The following LNP1 variants were observed in gnomAD, a reference collection of about 807,000 sequenced individuals.
LNP1 encodes the protein leukemia NUP98 fusion partner 1.
In LNP1, 12 loss-of-function variants were observed where a neutral mutation model predicts 14.5. That is an observed-to-expected ratio of 0.83 (90% CI 0.53 to 1.34). The LOEUF (loss-of-function observed/expected upper bound fraction) is 1.34, where lower values mean the gene tolerates loss of function less well. LNP1 is among the 40% of genes most tolerant of loss of function. The pLI, the probability that LNP1 is intolerant of heterozygous loss-of-function variation, is 0.00. For synonymous variants in LNP1, 75 were observed against 71.4 expected (o/e 1.05, Z -0.26); for missense variants, 198 against 210.9 (o/e 0.94, Z 0.38).
At chr3:100,419,829 G>C (rs1447572407) in intron 1 of LNP1, among the ~76,000 whole-genome samples, 2 of 152,142 alleles carry the variant, frequency 1.3e-5, no homozygotes, top group African/African-American at 4.8e-5. Context: ...TATCAAGCCT[G>C]TACATTCATG....
At chr3:100,453,048 A>G (rs1005038807) in intron 3 of LNP1, among the ~76,000 whole-genome samples, 4 of 152,080 alleles carry the variant, frequency 2.6e-5, no homozygotes, top group African/African-American at 9.7e-5. Flanking sequence ...CTGGAGCTAG[A>G]CTCTGTGAGT....
intron 1 of LNP1, among the ~76,000 whole-genome samples, chr3:100,406,971 T>C (rs1706974777): frequency 6.6e-6 from 1 of 152,260 alleles, no homozygotes; most frequent in South Asian, 2.1e-4. Context: ...CCACTTCCTT[T>C]CCTCAATATT....
At chr3:100,437,909 A>C (rs1707306337) in intron 2 of LNP1, among the ~76,000 whole-genome samples, 2 of 152,308 alleles carry the variant, frequency 1.3e-5, no homozygotes, top group East Asian at 1.9e-4. Context: ...ATGTCACTTT[A>C]TCTCTCTAAT....
At chr3:100,428,613 A>G (rs981494233) in intron 1 of LNP1, among the ~76,000 whole-genome samples, 2 of 152,164 alleles carry the variant, frequency 1.3e-5, no homozygotes, top group East Asian at 3.8e-4. Flanking sequence ...AGTTCCATAA[A>G]TGTAATATTC....
At chr3:100,437,493 T>C (rs113410173) in intron 2 of LNP1, among the ~76,000 whole-genome samples, 128 of 152,334 alleles carry the variant, frequency 8.4e-4, no homozygotes, top group African/African-American at 2.7e-3. Context: ...TACTGATTAG[T>C]TTAAAACATT....
chr3:100,414,482 G>A (rs1458284014), intron 1 of LNP1, among the ~76,000 whole-genome samples: 1 of 152,004 alleles, frequency 6.6e-6, no homozygotes, highest in Non-Finnish European at 1.5e-5. Flanking sequence ...GGGAGGCAGA[G>A]GTTGCAGTGA....
intron 3 of LNP1, among the ~76,000 whole-genome samples, chr3:100,453,354 C>T (rs7434244): frequency 3.3e-5 from 5 of 151,104 alleles, no homozygotes; most frequent in Admixed American, 1.3e-4. Flanking sequence ...GTTGAGGCCA[C>T]GGGATCGCTT....
intron 2 of LNP1, among the ~76,000 whole-genome samples, chr3:100,446,372 G>T (rs1707386722): frequency 6.6e-6 from 1 of 152,184 alleles, no homozygotes; most frequent in Non-Finnish European, 1.5e-5. Context: ...TTTAAGAAAT[G>T]GTGCTGGGAA....
At chr3:100,425,447 C>G (rs1367574601) in intron 1 of LNP1, among the ~76,000 whole-genome samples, 1 of 152,188 alleles carries the variant, frequency 6.6e-6, no homozygotes, top group Non-Finnish European at 1.5e-5. Flanking sequence ...ATCATAGGCT[C>G]AGCAGTCAGT....
intron 2 of LNP1, among the ~76,000 whole-genome samples, chr3:100,439,129 A>G (rs75934591): frequency 0.014 from 2,156 of 152,264 alleles, 27 homozygotes; most frequent in African/African-American, 0.04. Context: ...CGTTGTGATC[A>G]AACTCTTGCC....
chr3:100,409,965 ATC>A (rs1559839343), intron 1 of LNP1, among the ~76,000 whole-genome samples: 115 of 146,186 alleles, frequency 7.9e-4, no homozygotes, highest in African/African-American at 2.6e-3. Flanking sequence ...ACATCTATCT[ATC>A]TATCTATCTA....
At position 100,402,656 on chromosome 3, in the gene LNP1, T is replaced by C. The variant is rs1036986695; in HGVS notation, c.-34+217T>C. Among the ~76,000 whole-genome samples the C allele has an allele frequency of 1.4e-4, 21 of 151,580 alleles. 1 individual carries two copies. Among genetic ancestry groups the C allele is most frequent in the African/African-American group, 4.9e-4 (20 of 41,134 alleles). On this transcript the variant is annotated intron_variant, in intron 1 of 3. Transcript: ENST00000383693. ...ACACAAGTTAGGATTTTTTTTTTTTTCTGAAATTTCAGTTTTGCTGTGGCC... is the reference window on the plus strand; with the variant it reads ...ACACAAGTTAGGATTTTTTTTTTTTCCTGAAATTTCAGTTTTGCTGTGGCC...
At chr3:100,422,270 G>A (rs1436811983) in intron 1 of LNP1, among the ~76,000 whole-genome samples, 6 of 143,684 alleles carry the variant, frequency 4.2e-5, no homozygotes, top group Non-Finnish European at 8.9e-5. Context: ...TGCAAGCTTC[G>A]CCTCCCGGGT....
intron 1 of LNP1, among the ~76,000 whole-genome samples, chr3:100,407,284 G>T: frequency 6.6e-6 from 1 of 152,206 alleles, no homozygotes; most frequent in South Asian, 2.1e-4. Context: ...TGGTGGTGAT[G>T]AACTCCCTCA....
At chr3:100,404,953 T>C (rs911287840) in intron 1 of LNP1, among the ~76,000 whole-genome samples, 5 of 151,970 alleles carry the variant, frequency 3.3e-5, no homozygotes, top group African/African-American at 9.7e-5. Context: ...CCACCACACC[T>C]GGATAATTTT....
At chr3:100,406,938 C>T (rs2148898157) in intron 1 of LNP1, among the ~76,000 whole-genome samples, 1 of 152,304 alleles carries the variant, frequency 6.6e-6, no homozygotes, top group South Asian at 2.1e-4. Context: ...TTTACACATA[C>T]ACATGCAAAC....
chr3:100,413,303 T>C (rs1707048262), intron 1 of LNP1, among the ~76,000 whole-genome samples: 1 of 152,244 alleles, frequency 6.6e-6, no homozygotes, highest in Non-Finnish European at 1.5e-5. Context: ...TTCTGCATTA[T>C]TCAACTTCCA....
chr3:100,414,847 C>A (rs1386750349), intron 1 of LNP1, among the ~76,000 whole-genome samples: 1 of 152,058 alleles, frequency 6.6e-6, no homozygotes, highest in African/African-American at 2.4e-5. Context: ...CTAATGAGAC[C>A]CTTAATAGAG....
chr3:100,411,109 A>T lies in LNP1; in HGVS notation c.-34+8670A>T, dbSNP rs75372672. Among the ~76,000 whole-genome samples, 945 of 152,166 alleles carry T rather than the reference A, an allele frequency of 6.2e-3. 9 individuals are homozygous for T. The highest frequency in any genetic ancestry group is 0.021 in the African/African-American group (883 of 41,522). Reference sequence around the variant, plus strand: ...TGGGGGGCAGAGAGTTGAACCCAAGAGGGTTATTCTCTAGCTTTAAGATCC... The same window carrying T: ...TGGGGGGCAGAGAGTTGAACCCAAGTGGGTTATTCTCTAGCTTTAAGATCC... On this transcript the variant is annotated intron_variant, in intron 1 of 3. Transcript: ENST00000383693.
Sources: gnomAD v4.1 joint callset for allele counts (sites outside exome capture counted in the v4.1 genomes callset) on GRCh38, gnomAD v4.1.1 for gene constraint, MANE v1.5 for transcripts, NCBI Gene and HGNC (gene_info 2026-07-23, HGNC 2026-07-21) for gene names.